The following L2HGDH variants were observed in gnomAD, a reference collection of about 807,000 sequenced individuals.
L2HGDH encodes the protein L-2-hydroxyglutarate dehydrogenase, mitochondrial.
Under a neutral mutation model 51.5 loss-of-function variants are expected in L2HGDH, and 34 were observed. That is an observed-to-expected ratio of 0.66 (90% CI 0.50 to 0.88). L2HGDH has a LOEUF of 0.88. L2HGDH is among the 40% of genes least tolerant of loss of function. The pLI, the probability that L2HGDH is intolerant of heterozygous loss-of-function variation, is 0.00. For missense variants in L2HGDH, 558 were observed against 571.9 expected (o/e 0.98, Z 0.25); for synonymous variants, 198 against 197.9 (o/e 1.00, Z -0.01).
At chr14:50,256,243 A>T (rs987977497) in intron 9 of L2HGDH, among the ~76,000 whole-genome samples, 2 of 152,090 alleles carry the variant, frequency 1.3e-5, no homozygotes, top group Non-Finnish European at 2.9e-5. Flanking sequence ...TACCAGGCAT[A>T]GTGGCTCATG....
At chr14:50,287,854 C>T (rs904305494) in intron 4 of L2HGDH, among the ~76,000 whole-genome samples, 2 of 151,748 alleles carry the variant, frequency 1.3e-5, no homozygotes, top group East Asian at 1.9e-4. Flanking sequence ...CCCAAAAACA[C>T]GCCTGGCTAT....
In L2HGDH at chr14:50,244,410, A is replaced by AT. The variant is rs1196271232; in HGVS notation, c.*2647dup. ...GAGGACTGCTTCAATTAGGACAATC[A>AT]TTTTTTGTAATTCAATGTTTACAAC... On this transcript the variant is annotated 3_prime_UTR_variant, in exon 10 of 10. Coordinates refer to ENST00000267436, the MANE Select transcript of L2HGDH (RefSeq NM_024884.3). 11 of 985,364 alleles carry AT rather than the reference A, an allele frequency of 1.1e-5. No individual in the cohort carries two copies. The highest frequency in any genetic ancestry group is 1.3e-5 in the Non-Finnish European group (11 of 829,888). The allele number at this position is 985,364 out of a possible 1,614,324, so 61.0% of individuals were successfully genotyped here.
At chr14:50,299,327 A>G (rs969000952) in intron 3 of L2HGDH, among the ~76,000 whole-genome samples, 10 of 152,216 alleles carry the variant, frequency 6.6e-5, no homozygotes, top group African/African-American at 2.4e-4. Context: ...TCGAAGCCAT[A>G]ATAAAAAGTC....
At chr14:50,278,029 A>T (rs1372177703) in intron 6 of L2HGDH, among the ~76,000 whole-genome samples, 1 of 152,068 alleles carries the variant, frequency 6.6e-6, no homozygotes, top group Non-Finnish European at 1.5e-5. Context: ...TCCTATAATA[A>T]ATCCTATAGC....
chr14:50,250,682 G>A (rs1160548285), intron 9 of L2HGDH, among the ~76,000 whole-genome samples: 1 of 152,178 alleles, frequency 6.6e-6, no homozygotes, highest in Non-Finnish European at 1.5e-5. Context: ...ACACCCCCCA[G>A]TTCCAGGGGG....
Position 50,294,128 on chromosome 14 carries a change from T to C in L2HGDH, c.527A>G (p.Glu176Gly). 5 of 1,613,984 alleles carry C rather than the reference T, an allele frequency of 3.1e-6. No individual in the cohort carries two copies. The highest frequency in any genetic ancestry group is 4.2e-6 in the Non-Finnish European group (5 of 1,179,898). The change falls in exon 4 of 10, where the codon GAG (glutamate) becomes GGG (glycine). Residue 176 changes from glutamate to glycine, a missense_variant. Physicochemically the swap from Glu to Gly is moderately conservative, Grantham distance 98. Coordinates refer to ENST00000267436, the MANE Select transcript of L2HGDH (RefSeq NM_024884.3). ...LIQQEDIKKK[E>G]PYCRGLMAID... ...TTAATCACTTACCCTACAATATGGC[T>C]CCTTCTTTTTTATATCCTCCTGCTG...
At chr14:50,302,533 G>A (rs1566539404) in intron 2 of L2HGDH, among the ~76,000 whole-genome samples, 1 of 152,120 alleles carries the variant, frequency 6.6e-6, no homozygotes, top group Admixed American at 6.5e-5. Flanking sequence ...GAGAAGAGCC[G>A]ATGGATAAAG....
At chr14:50,309,683 C>T (rs939192591) in intron 1 of L2HGDH, among the ~76,000 whole-genome samples, 2 of 133,256 alleles carry the variant, frequency 1.5e-5, no homozygotes, top group African/African-American at 5.7e-5. Flanking sequence ...TATTTTTATA[C>T]CACCCTTTTT....
intron 4 of L2HGDH, among the ~76,000 whole-genome samples, chr14:50,289,274 T>A (rs554731884): frequency 2.6e-5 from 4 of 152,114 alleles, no homozygotes; most frequent in Non-Finnish European, 2.9e-5. Context: ...TAAAAAAGAC[T>A]GATATGCCTT....
intron 4 of L2HGDH, among the ~76,000 whole-genome samples, chr14:50,285,179 G>A (rs1033860486): frequency 6.6e-6 from 1 of 152,160 alleles, no homozygotes; most frequent in African/African-American, 2.4e-5. Context: ...CCCCAGAGGC[G>A]GAGGTTGCAG....
intron 3 of L2HGDH, among the ~76,000 whole-genome samples, chr14:50,298,894 T>G (rs1311148223): frequency 6.6e-6 from 1 of 151,988 alleles, no homozygotes; most frequent in African/African-American, 2.4e-5. Flanking sequence ...GTAGAAGAAC[T>G]TCATATAATC....
chr14:50,283,698 CTATT>C (rs779651514), intron 5 of L2HGDH, among the ~76,000 whole-genome samples, 169 bp downstream of exon 5: 69 of 152,150 alleles, frequency 4.5e-4, no homozygotes, highest in Non-Finnish European at 8.5e-4. Flanking sequence ...AATGTAAATG[CTATT>C]TTTTTGTTAT....
chr14:50,247,355 T>A, intron 9 of L2HGDH, 102 bp from the exon 10 acceptor site: 1 of 1,521,510 alleles, frequency 6.6e-7, no homozygotes, highest in Non-Finnish European at 8.9e-7. Flanking sequence ...TTCTTCTAAA[T>A]GCACAATTAT....
intron 4 of L2HGDH, among the ~76,000 whole-genome samples, chr14:50,285,537 G>A (rs1017932605): frequency 1.3e-5 from 2 of 152,076 alleles, no homozygotes; most frequent in African/African-American, 4.8e-5. Context: ...ACAATATTTT[G>A]GGTACAATAA....
intron 3 of L2HGDH, among the ~76,000 whole-genome samples, chr14:50,299,593 AT>A (rs537778771): frequency 1.1e-3 from 169 of 152,338 alleles, no homozygotes; most frequent in South Asian, 4.6e-3. Flanking sequence ...AGCAAACCAA[AT>A]TCAACAACAC....
At chr14:50,292,562 C>T (rs1000861110) in intron 4 of L2HGDH, among the ~76,000 whole-genome samples, 2 of 151,946 alleles carry the variant, frequency 1.3e-5, no homozygotes, top group East Asian at 1.9e-4. Flanking sequence ...CAAAATTAGC[C>T]GAGCATGGTG....
chr14:50,308,962 G>A (rs2030890226), intron 1 of L2HGDH, among the ~76,000 whole-genome samples: 1 of 152,116 alleles, frequency 6.6e-6, no homozygotes, highest in Non-Finnish European at 1.5e-5. Flanking sequence ...TACAGGCGAC[G>A]CCTTGCATGG....
chr14:50,287,275 G>C (rs1021425297), intron 4 of L2HGDH: 1 of 982,316 alleles, frequency 1.0e-6, no homozygotes, highest in East Asian at 1.1e-4. Context: ...TTTCAGTAAT[G>C]CATAATATAA....
chr14:50,302,385 A>T (rs752452592), intron 2 of L2HGDH, among the ~76,000 whole-genome samples: 1 of 152,058 alleles, frequency 6.6e-6, no homozygotes, highest in Non-Finnish European at 1.5e-5. Context: ...TTGGTGCACA[A>T]ACTCACCTCT....
Sources: allele counts gnomAD v4.1 joint callset (sites outside exome capture counted in the v4.1 genomes callset), GRCh38; gene constraint gnomAD v4.1.1; transcripts MANE v1.5; gene names NCBI Gene and HGNC (gene_info 2026-07-23, HGNC 2026-07-21).